The following CSRNP3 variants were observed in gnomAD, a reference collection of about 807,000 sequenced individuals.
CSRNP3 encodes the protein cysteine and serine rich nuclear protein 3.
CSRNP3 carries 12 observed loss-of-function variants against 48.0 expected under a neutral mutation model. The ratio of observed to expected loss-of-function variants is 0.25; its 90% CI spans 0.16 to 0.41. The LOEUF is 0.41. Among genes scored for constraint, CSRNP3 ranks in the 10% least tolerant of loss-of-function variants. The pLI is 1.00. For synonymous variants in CSRNP3, 263 were observed against 269.7 expected (o/e 0.98, Z 0.24); for missense variants, 580 against 724.4 (o/e 0.80, Z 2.29).
chr2:165,536,644 C>G (rs1394080003), intron 3 of CSRNP3, among the ~76,000 whole-genome samples: 1 of 151,808 alleles, frequency 6.6e-6, no homozygotes, highest in Non-Finnish European at 1.5e-5. Flanking sequence ...GTGTCAAGTT[C>G]TTCAACTCAA....
chr2:165,660,888 C>T (rs1687085810), intron 5 of CSRNP3, among the ~76,000 whole-genome samples: 1 of 152,108 alleles, frequency 6.6e-6, no homozygotes, highest in Non-Finnish European at 1.5e-5. Context: ...TAAATACCAA[C>T]CTAAAAGATA....
chr2:165,684,581 A>AT lies in CSRNP3; in HGVS notation c.*4828_*4829insT, dbSNP rs1209331624. ...GGCTTGATTACTCTATATTAGGTCT[A>AT]ATATGAATTTTCACCTTCTGATTGC... On this transcript the variant is annotated 3_prime_UTR_variant, in exon 7 of 7. Transcript: ENST00000651982. The AT allele has an allele frequency of 2.2e-4, 33 of 151,286 alleles. No homozygotes were observed. Among genetic ancestry groups the AT allele is most frequent in the African/African-American group, 7.7e-4 (32 of 41,402 alleles). 9.4% of individuals were successfully genotyped at this position (151,286 alleles called of 1,614,324 possible).
chr2:165,520,051 C>T (rs1684630798), intron 3 of CSRNP3, among the ~76,000 whole-genome samples: 1 of 151,982 alleles, frequency 6.6e-6, no homozygotes, highest in Non-Finnish European at 1.5e-5. Flanking sequence ...AAATCAGTTT[C>T]AATTTCACCA....
At chr2:165,641,697 A>G (rs1686723816) in intron 4 of CSRNP3, among the ~76,000 whole-genome samples, 1 of 152,200 alleles carries the variant, frequency 6.6e-6, no homozygotes, top group Non-Finnish European at 1.5e-5. Context: ...AAGCCTGTGT[A>G]CCTGAGACAG....
At position 165,556,307 on chromosome 2, in the gene CSRNP3, T is replaced by A. The variant is rs763286492; in HGVS notation, c.-24+38346T>A. Among the ~76,000 whole-genome samples, 33 of 152,252 alleles carry A rather than the reference T, an allele frequency of 2.2e-4. No homozygotes were observed. In the South Asian group the frequency reaches 6.8e-3, roughly 32 times the overall value. On this transcript the variant is annotated intron_variant, in intron 3 of 6. Transcript: ENST00000651982. ...GATGTATGATGGCAATGACTATAGGTTCACTGTTTGACACACTGACTTTGC... is the reference window on the plus strand; with the variant it reads ...GATGTATGATGGCAATGACTATAGGATCACTGTTTGACACACTGACTTTGC...
chr2:165,493,272 C>T (rs1684244106), intron 1 of CSRNP3, among the ~76,000 whole-genome samples: 1 of 151,910 alleles, frequency 6.6e-6, no homozygotes, highest in South Asian at 2.1e-4. Context: ...GATAGGACCA[C>T]CGTGCTGGTA....
chr2:165,500,506 G>C (rs1484653397), intron 2 of CSRNP3, among the ~76,000 whole-genome samples: 1 of 151,522 alleles, frequency 6.6e-6, no homozygotes, highest in East Asian at 1.9e-4. Flanking sequence ...CTGGAGTGCA[G>C]TGGCACCATC....
intron 3 of CSRNP3, among the ~76,000 whole-genome samples, chr2:165,592,660 A>G (rs1325518780): frequency 6.6e-6 from 1 of 152,102 alleles, no homozygotes; most frequent in Non-Finnish European, 1.5e-5. Flanking sequence ...ATGGTTTTAT[A>G]AGGGGCTTTT....
intron 2 of CSRNP3, among the ~76,000 whole-genome samples, chr2:165,500,420 TAC>T (rs60600698): frequency 0.29 from 41,025 of 142,038 alleles, 6,094 homozygotes; most frequent in African/African-American, 0.39. Context: ...CATATATATA[TAC>T]ACACACACAC....
intron 3 of CSRNP3, among the ~76,000 whole-genome samples, chr2:165,564,315 TAA>T (rs5836045): frequency 1.3e-5 from 2 of 151,722 alleles, no homozygotes; most frequent in Non-Finnish European, 2.9e-5. Context: ...AATATTCTGT[TAA>T]AAAAATGCTT....
chr2:165,469,748 C>T lies in CSRNP3; in HGVS notation c.-283+8C>T, dbSNP rs1683867051. 6.7e-6 allele frequency: 1 copy of T among 149,986 alleles called. No individual in the cohort carries two copies. The highest frequency in any genetic ancestry group is 2.1e-4 in the South Asian group (1 of 4,764). The allele number at this position is 149,986 out of a possible 1,614,324, so 9.3% of individuals were successfully genotyped here. ...CAGAAACCATATTTACAGGTAAGAG[C>T]GAAAAATAAAAAAAAAGAAAAGAGA... On this transcript the variant is annotated splice_region_variant and intron_variant, in intron 1 of 6. Transcript: ENST00000651982.
At chr2:165,602,748 T>A (rs1026086558) in intron 4 of CSRNP3, among the ~76,000 whole-genome samples, 2 of 152,202 alleles carry the variant, frequency 1.3e-5, no homozygotes, top group African/African-American at 4.8e-5. Context: ...ATATCTTTTT[T>A]TCCTCCCAAT....
intron 3 of CSRNP3, among the ~76,000 whole-genome samples, chr2:165,567,280 T>C (rs1685309342): frequency 6.6e-6 from 1 of 152,124 alleles, no homozygotes; most frequent in Admixed American, 6.6e-5. Context: ...TCTTTTGTGT[T>C]CTCTGAGAGA....
chr2:165,498,864 G>A (rs1488471681), intron 2 of CSRNP3, among the ~76,000 whole-genome samples: 2 of 152,104 alleles, frequency 1.3e-5, no homozygotes, highest in Non-Finnish European at 2.9e-5. Context: ...TACTCAGGAT[G>A]TTCATAGGTG....
At chr2:165,529,097 C>T (rs1684778670) in intron 3 of CSRNP3, among the ~76,000 whole-genome samples, 4 of 152,230 alleles carry the variant, frequency 2.6e-5, no homozygotes, top group East Asian at 1.9e-4. Flanking sequence ...CTCAGAAGTG[C>T]CTGCTCCCAC....
At chr2:165,632,226 A>T (rs1209780091) in intron 4 of CSRNP3, among the ~76,000 whole-genome samples, 1 of 152,158 alleles carries the variant, frequency 6.6e-6, no homozygotes, top group African/African-American at 2.4e-5. Flanking sequence ...TTGTATTAGG[A>T]AAATAAAGTG....
intron 4 of CSRNP3, among the ~76,000 whole-genome samples, chr2:165,619,996 A>AT (rs1686313507): frequency 6.6e-6 from 1 of 152,288 alleles, no homozygotes; most frequent in East Asian, 1.9e-4. Context: ...AAGAAAACGC[A>AT]TTTCTCCTCT....
At chr2:165,482,278 T>TC (rs1489622763) in intron 1 of CSRNP3, among the ~76,000 whole-genome samples, 1 of 151,468 alleles carries the variant, frequency 6.6e-6, no homozygotes, top group African/African-American at 2.4e-5. Flanking sequence ...TTTTTTTTTT[T>TC]CTTGAGATGG....
intron 5 of CSRNP3, among the ~76,000 whole-genome samples, chr2:165,671,702 C>G (rs912439895): frequency 6.6e-6 from 1 of 152,322 alleles, no homozygotes; most frequent in Non-Finnish European, 1.5e-5. Context: ...TAACATTCAG[C>G]TCTTTGTTAC....
Sources: allele counts gnomAD v4.1 joint callset (sites outside exome capture counted in the v4.1 genomes callset), GRCh38; gene constraint gnomAD v4.1.1; transcripts MANE v1.5; gene names NCBI Gene and HGNC (gene_info 2026-07-23, HGNC 2026-07-21).